CS: variants seen among roughly 807,000 people sequenced by gnomAD.
CS encodes citrate synthase, mitochondrial.
A neutral mutation model predicts 61.4 loss-of-function variants in CS; 13 were observed. That is an observed-to-expected ratio of 0.21 (90% CI 0.14 to 0.34). The LOEUF is 0.34. CS is among the 10% of genes least tolerant of loss of function. The pLI is 1.00. For missense variants in CS, 278 were observed against 573.4 expected (o/e 0.48, Z 5.26); for synonymous variants, 159 against 215.2 (o/e 0.74, Z 2.29).
Position 56,284,481 on chromosome 12 carries a change from G to A in CS, c.202-624C>T, listed in dbSNP as rs191380524. ...GGCTGCAGCACAGTGGCACAATCAC[G>A]GCTTACTGCAGCCTTGACTTGCAGG... On this transcript the variant is annotated intron_variant, in intron 3 of 10. Coordinates refer to ENST00000351328, the MANE Select transcript of CS (RefSeq NM_004077.3). Among the ~76,000 whole-genome samples, 34 of 151,882 alleles carry A rather than the reference G, an allele frequency of 2.2e-4. No homozygotes were observed. The East Asian group carries it at 5.4e-3, about 24-fold the overall frequency.
intron 1 of CS, among the ~76,000 whole-genome samples, chr12:56,294,342 C>T (rs1253812550): frequency 4.0e-5 from 6 of 151,332 alleles, no homozygotes; most frequent in South Asian, 2.1e-4. Flanking sequence ...GGCACGGTGG[C>T]GCACACCTGT....
chr12:56,293,105 C>G (rs1050241561), intron 1 of CS, among the ~76,000 whole-genome samples: 1 of 151,744 alleles, frequency 6.6e-6, no homozygotes, highest in African/African-American at 2.4e-5. Flanking sequence ...GACTCTGTCT[C>G]AAAAAACAAA....
rs1007341758 is a variant in CS at position 56,289,181 on chromosome 12, C to T, written c.43-2536G>A. Among the ~76,000 whole-genome samples, 9 of 152,204 alleles carry T rather than the reference C, an allele frequency of 5.9e-5. 1 individual carries two copies. Among genetic ancestry groups the T allele is most frequent in the Admixed American group, 3.3e-4 (5 of 15,278 alleles). On this transcript the variant is annotated intron_variant, in intron 1 of 10. Transcript: ENST00000351328. ...AGCCCTTCATAGCCCTTGCACCCTA[C>T]ATGGGCAAACAGGAAGCTGAACCCA...
chr12:56,290,543 G>A (rs1367040635), intron 1 of CS, among the ~76,000 whole-genome samples: 1 of 152,036 alleles, frequency 6.6e-6, no homozygotes, highest in Non-Finnish European at 1.5e-5. Flanking sequence ...TCGGTGTCAG[G>A]TTCAGTCATG....
intron 1 of CS, chr12:56,291,208 C>A: frequency 8.5e-7 from 1 of 1,181,962 alleles, no homozygotes; most frequent in Non-Finnish European, 1.1e-6. Flanking sequence ...AATGTGTTGG[C>A]CTATCACCTA....
intron 6 of CS, among the ~76,000 whole-genome samples, chr12:56,280,340 A>G (rs924786511): frequency 2.0e-5 from 3 of 146,684 alleles, no homozygotes; most frequent in Non-Finnish European, 3.0e-5. Flanking sequence ...GTGTGAACCC[A>G]GGAGGTGGAG....
intron 1 of CS, among the ~76,000 whole-genome samples, chr12:56,293,578 G>A (rs995365617): frequency 7.2e-5 from 11 of 152,094 alleles, no homozygotes; most frequent in Non-Finnish European, 1.3e-4. Context: ...TTAGCCAGGC[G>A]TGGTGGCACA....
chr12:56,283,088 A>C (rs1565621242), intron 4 of CS, 97 bp from the exon 5 acceptor site: 1 of 1,335,466 alleles, frequency 7.5e-7, no homozygotes, highest in African/African-American at 1.5e-5. Context: ...TTAGAGTAGA[A>C]CTTTTTATGT....
chr12:56,296,854 T>C (rs528098510), intron 1 of CS, among the ~76,000 whole-genome samples: 1 of 152,210 alleles, frequency 6.6e-6, no homozygotes, highest in Non-Finnish European at 1.5e-5. Flanking sequence ...ACCGTTACTT[T>C]GGGTAGGCTG....
At chr12:56,274,539 C>T (rs1213545564) in intron 9 of CS, 1 of 424,812 alleles carries the variant, frequency 2.4e-6, no homozygotes, top group African/African-American at 2.1e-5. Context: ...TCTTAGCACA[C>T]TGCAGCCTTA....
chr12:56,298,582 G>C, intron 1 of CS: 9 of 977,350 alleles, frequency 9.2e-6, no homozygotes, highest in Non-Finnish European at 1.1e-5. Flanking sequence ...TCTAGAACTT[G>C]CTTCATTTCC....
rs1872529380 is a variant in CS, at chr12:56,271,935, G to T, written c.*1149C>A. ...GAGCATTCTGAGTTGCTGAAAACCT[G>T]TGCAAATGGGGCTTCTGAAACATTG... On this transcript the variant is annotated 3_prime_UTR_variant, in exon 11 of 11. Transcript: ENST00000351328. 1 of 455,992 alleles carries T rather than the reference G, an allele frequency of 2.2e-6. No homozygotes were observed. The highest frequency in any genetic ancestry group is 2.4e-5 in the Admixed American group (1 of 42,484). The allele number at this position is 455,992 out of a possible 1,614,324, so 28.2% of individuals were successfully genotyped here.
intron 3 of CS, chr12:56,285,323 C>T (rs1269410632): frequency 2.5e-6 from 1 of 407,396 alleles, no homozygotes; most frequent in Non-Finnish European, 5.0e-6. Flanking sequence ...CCCTCTGTTG[C>T]CCAGGCTATA....
At chr12:56,292,730 C>CAAAAAAAAAAAA (rs531365770) in intron 1 of CS, among the ~76,000 whole-genome samples, 32 of 56,678 alleles carry the variant, frequency 5.6e-4, no homozygotes, top group Non-Finnish European at 8.4e-4. Flanking sequence ...TAAAAAAATA[C>CAAAAAAAAAAAA]AAAAAAAAAA....
In CS at chr12:56,282,664, T is replaced by TA. The variant is rs1202474850; in HGVS notation, c.400-57dup. The TA allele has an allele frequency of 1.6e-5, 24 of 1,543,942 alleles. No individual in the cohort carries two copies. The Admixed American group carries it at 2.9e-4, about 18-fold the overall frequency. On this transcript the variant is annotated intron_variant, in intron 5 of 10. Coordinates refer to ENST00000351328, the MANE Select transcript of CS (RefSeq NM_004077.3). ...CAGCAAGGACAAGGAAGGAGAAAAA[T>TA]AAAAAAGGACAGCAACATCTGAGTA...
intron 4 of CS, 87 bp from the exon 5 acceptor site, chr12:56,283,078 T>A: frequency 7.0e-7 from 1 of 1,438,656 alleles, no homozygotes; most frequent in Non-Finnish European, 9.7e-7. Context: ...TTACAACAAG[T>A]TAGAGTAGAA....
In CS at chr12:56,300,146, C is replaced by T. The variant is rs1284363005; in HGVS notation, c.42+14G>A. The T allele has an allele frequency of 6.4e-6, 10 of 1,558,938 alleles. No individual in the cohort carries two copies. Among genetic ancestry groups the T allele is most frequent in the African/African-American group, 4.1e-5 (3 of 73,160 alleles). On this transcript the variant is annotated intron_variant, in intron 1 of 10. Transcript: ENST00000351328. ...CCACCCTGGGACGGCGTGCTCCCTC[C>T]CCTCGCTGCTCACCTTGGTTCCCAA...
intron 8 of CS, 58 bp from the exon 9 acceptor site, chr12:56,274,936 CA>C: frequency 6.2e-7 from 1 of 1,608,264 alleles, no homozygotes; most frequent in Non-Finnish European, 8.5e-7. Flanking sequence ...AAGAGAATGC[CA>C]AGATCAGAAA....
chr12:56,275,569 TAAAAAAA>T (rs769377638), intron 7 of CS: 26 of 107,060 alleles, frequency 2.4e-4, no homozygotes, highest in Admixed American at 3.8e-4. Context: ...AGACTCCATC[TAAAAAAA>T]AAAAAAAAAA....
Sources: allele counts gnomAD v4.1 joint callset (sites outside exome capture counted in the v4.1 genomes callset), GRCh38; gene constraint gnomAD v4.1.1; transcripts MANE v1.5; gene names NCBI Gene and HGNC (gene_info 2026-07-23, HGNC 2026-07-21).